CACYBP: variants seen among roughly 807,000 people sequenced by gnomAD.
CACYBP encodes the protein calcyclin-binding protein.
Under a neutral mutation model 29.6 loss-of-function variants are expected in CACYBP, and 11 were observed. That is an observed-to-expected ratio of 0.37 (90% CI 0.23 to 0.61). The LOEUF is 0.61. CACYBP is among the 20% of genes least tolerant of loss of function. The pLI is 0.65. For synonymous variants in CACYBP, 73 were observed against 88.3 expected, an observed-to-expected ratio of 0.83 and a Z score of 0.97; for missense variants, 163 against 260.7, an observed-to-expected ratio of 0.63 and a Z score of 2.58.
rs545657639 is a variant in CACYBP, at chr1:175,004,964, A to G, written c.235+131A>G. On this transcript the variant is annotated intron_variant, in intron 2 of 5. Coordinates refer to ENST00000367679, the MANE Select transcript of CACYBP (RefSeq NM_014412.3). ...TTTGGAGCAAGACCCATCAGTTTTT[A>G]TTTAATAAAACTTTTTTAAGATATA... 7.0e-6 allele frequency: 5 copies of G among 716,892 alleles called. No homozygotes were observed. In the East Asian group the frequency reaches 8.1e-5, roughly 12 times the overall value. 44.4% of individuals were successfully genotyped at this position (716,892 alleles called of 1,614,324 possible).
chr1:175,008,834 C>T lies in CACYBP; in HGVS notation c.530+128C>T. ...TCAAACTACCTGAAGAGGGCACGTC[C>T]AGCAAGTTGCTTTTTAAGGTCTTTG... On this transcript the variant is annotated intron_variant, in intron 5 of 5. Coordinates refer to ENST00000367679, the MANE Select transcript of CACYBP (RefSeq NM_014412.3). 9.5e-6 allele frequency: 6 copies of T among 632,818 alleles called. No individual in the cohort carries two copies. In the South Asian group the frequency reaches 1.1e-4, roughly 12 times the overall value. The allele number at this position is 632,818 out of a possible 1,614,324, so 39.2% of individuals were successfully genotyped here.
intron 4 of CACYBP, 136 bp from the exon 5 acceptor site, chr1:175,008,473 T>C (rs941828447): frequency 1.8e-6 from 1 of 553,796 alleles, no homozygotes; most frequent in Middle Eastern, 4.9e-4. Flanking sequence ...GGCCTATTCA[T>C]ACAAGTATTA....
chr1:174,999,772 A>G, upstream of CACYBP: 2 of 313,348 alleles, frequency 6.4e-6, no homozygotes, highest in South Asian at 5.5e-5. Context: ...AAATTATAAT[A>G]CATAAAAGTT....
At chr1:175,007,357 ATG>A (rs1672645787) in intron 4 of CACYBP, among the ~76,000 whole-genome samples, 160 bp downstream of exon 4, 1 of 152,132 alleles carries the variant, frequency 6.6e-6, no homozygotes, top group African/African-American at 2.4e-5. Flanking sequence ...TTATTTGTTC[ATG>A]TGTTGTTTGT....
intron 5 of CACYBP, 107 bp downstream of exon 5, chr1:175,008,813 AC>A: frequency 1.5e-6 from 1 of 685,952 alleles, no homozygotes; most frequent in Non-Finnish European, 2.7e-6. Flanking sequence ...CAACTGTCAA[AC>A]TACCTGAAGA....
intron 3 of CACYBP, 75 bp from the exon 4 acceptor site, chr1:175,007,023 T>C: frequency 9.0e-7 from 1 of 1,106,410 alleles, no homozygotes; most frequent in Non-Finnish European, 1.3e-6. Context: ...CAGCAGCTTT[T>C]TTCCCACAAG....
Position 175,004,761 on chromosome 1 carries a change from C to G in CACYBP, c.163C>G (p.Leu55Val). ...GAAATCACAGAAGAAAGCAGAACTT[C>G]TTGATAATGAAAAACCAGCTGCTGT... ...QQKSQKKAEL[L>V]DNEKPAAVVA... Residue 55 changes from leucine to valine, a missense_variant, in exon 2 of 6, where the codon CTT (leucine) becomes GTT (valine). Coordinates refer to ENST00000367679, the MANE Select transcript of CACYBP (RefSeq NM_014412.3). 6.2e-7 allele frequency: 1 copy of G among 1,613,956 alleles called. No homozygotes were observed. Among genetic ancestry groups the G allele is most frequent in the South Asian group, 1.1e-5 (1 of 91,072 alleles).
intron 1 of CACYBP, among the ~76,000 whole-genome samples, chr1:175,001,290 A>G (rs979997229): frequency 2.6e-5 from 4 of 152,206 alleles, no homozygotes; most frequent in African/African-American, 9.7e-5. Context: ...ACTTAGAAAT[A>G]TACATTTGAG....
chr1:175,007,318 G>T, intron 4 of CACYBP, 121 bp downstream of exon 4: 1 of 639,356 alleles, frequency 1.6e-6, no homozygotes, highest in Admixed American at 2.9e-5. Context: ...CGCCTGTTTT[G>T]TGAATGTTTT....
intron 2 of CACYBP, among the ~76,000 whole-genome samples, chr1:175,005,618 C>G: frequency 6.6e-6 from 1 of 152,034 alleles, no homozygotes; most frequent in East Asian, 1.9e-4. Context: ...AAGGCATGAT[C>G]TATTTTGAAT....
Position 175,000,195 on chromosome 1 carries a change from G to A in CACYBP, c.15G>A (p.Glu5=), listed in dbSNP as rs765268058. The A allele has an allele frequency of 1.2e-6, 2 of 1,607,924 alleles. No homozygotes were observed. The highest frequency in any genetic ancestry group is 2.2e-5 in the East Asian group (1 of 44,466). Residue 5 remains glutamate, a splice_region_variant and synonymous_variant, in exon 1 of 6, where the codon GAG becomes GAA. Coordinates refer to ENST00000367679, the MANE Select transcript of CACYBP (RefSeq NM_014412.3). MASE[E]LQKDLEEVKV... ...ACCCAGCCCCCATGGCTTCAGAAGA[G>A]GTAAGTGGTCCGGCCCCATATTCCT...
At chr1:175,009,207 CTAATTAAAAAA>C (rs1490154774) in intron 5 of CACYBP, among the ~76,000 whole-genome samples, 6 of 152,064 alleles carry the variant, frequency 3.9e-5, no homozygotes, top group Non-Finnish European at 8.8e-5. Context: ...GAGAGTTTTT[CTAATTAAAAAA>C]TACATGAGCT....
At position 175,008,683 on chromosome 1, in the gene CACYBP, T is replaced by C. The variant is rs773937358; in HGVS notation, c.507T>C (p.Val169=). 1 of 1,565,438 alleles carries C rather than the reference T, an allele frequency of 6.4e-7. No homozygotes were observed. Among genetic ancestry groups the C allele is most frequent in the South Asian group, 1.1e-5 (1 of 90,118 alleles). ...CAAGGTGGGATTACCTGACCCAGGT[T>C]GAAAAGGAGTGCAAAGAAAAAGAGT... The part of the protein sequence containing the change: ...ENTRWDYLTQ[V]EKECKEKEKP... The change falls in exon 5 of 6, where the codon GTT becomes GTC. Residue 169 remains valine (V), a synonymous_variant. Coordinates refer to ENST00000367679, the MANE Select transcript of CACYBP (RefSeq NM_014412.3).
chr1:175,002,326 A>G (rs1672512789), intron 1 of CACYBP, among the ~76,000 whole-genome samples: 1 of 152,036 alleles, frequency 6.6e-6, no homozygotes, highest in Non-Finnish European at 1.5e-5. Flanking sequence ...ATACCATCCT[A>G]CTGGGTGTGA....
chr1:175,008,774 T>G (rs1182586185), intron 5 of CACYBP, 68 bp downstream of exon 5: 7 of 797,690 alleles, frequency 8.8e-6, no homozygotes, highest in Non-Finnish European at 1.3e-5. Flanking sequence ...TTTAATAGTT[T>G]GTCTTTATGG....
At chr1:174,999,912 C>CG, upstream of CACYBP, 1 of 539,426 alleles carries the variant, frequency 1.9e-6, no homozygotes, top group Non-Finnish European at 3.2e-6. Context: ...GGGCTAGGCT[C>CG]GGCGAGGCGA....
In CACYBP at chr1:175,000,653, C is replaced by G. The variant is rs959013597; in HGVS notation, c.15+458C>G. The G allele has an allele frequency of 3.4e-5, 34 of 997,584 alleles. 1 individual carries two copies. In the Middle Eastern group the frequency reaches 1.5e-3, roughly 43 times the overall value. The allele number at this position is 997,584 out of a possible 1,614,324, so 61.8% of individuals were successfully genotyped here. On this transcript the variant is annotated intron_variant, in intron 1 of 5. Transcript: ENST00000367679. ...CTCCTAGTCAGGTTTTCTCTACACA[C>G]GAGGAGCTGTGTTACTCTGGGCAAG...
chr1:175,001,129 G>A (rs1672476593), intron 1 of CACYBP, among the ~76,000 whole-genome samples: 1 of 152,194 alleles, frequency 6.6e-6, no homozygotes, highest in South Asian at 2.1e-4. Context: ...TATGAGGTTT[G>A]TGTGTTCCAG....
intron 1 of CACYBP, 124 bp from the exon 2 acceptor site, chr1:175,004,490 T>A (rs559406585): frequency 1.7e-6 from 1 of 601,018 alleles, no homozygotes; most frequent in Non-Finnish European, 2.9e-6. Context: ...AACTCAATCC[T>A]AGAAAATTTA....
Sources: allele counts gnomAD v4.1 joint callset (sites outside exome capture counted in the v4.1 genomes callset), GRCh38; gene constraint gnomAD v4.1.1; transcripts MANE v1.5; gene names NCBI Gene and HGNC (gene_info 2026-07-23, HGNC 2026-07-21).